RBFOX1: variants seen among roughly 807,000 people sequenced by gnomAD.
RBFOX1 encodes the protein RNA binding fox-1 homolog 1, also known as RNA binding protein fox-1 homolog 1.
Under a neutral mutation model 57.7 loss-of-function variants are expected in RBFOX1, and 8 were observed. The ratio of observed to expected loss-of-function variants is 0.14; its 90% CI spans 0.08 to 0.25. RBFOX1 has a LOEUF of 0.25. Ranked by LOEUF, RBFOX1 falls within the 10% of genes least tolerant of loss-of-function variation. The pLI is 1.00. For missense variants in RBFOX1, 611 were observed against 548.5 expected, an observed-to-expected ratio of 1.11 and a Z score of -1.14; for synonymous variants, 326 against 222.4, an observed-to-expected ratio of 1.47 and a Z score of -4.15.
At position 7,417,261 on chromosome 16, in the gene RBFOX1, T is replaced by A. The variant is rs1431144276; in HGVS notation, c.28-100886T>A. Among the ~76,000 whole-genome samples the A allele has an allele frequency of 6.0e-5, 9 of 151,210 alleles. No individual in the cohort carries two copies. The South Asian group carries it at 1.7e-3, about 28-fold the overall frequency. On this transcript the variant is annotated intron_variant, in intron 4 of 15. Transcript: ENST00000550418. ...GGTGGTGTGTGCCTGTAACCACAGC[T>A]ACTTAGGAAACTGAGACAGGGGAAT...
chr16:7,001,683 C>G (rs890426601), intron 3 of RBFOX1, among the ~76,000 whole-genome samples: 1 of 152,090 alleles, frequency 6.6e-6, no homozygotes, highest in Admixed American at 6.5e-5. Context: ...TCTCAAACTC[C>G]TGACCTGAAG....
intron 2 of RBFOX1, among the ~76,000 whole-genome samples, chr16:6,576,025 T>TC (rs1185096512): frequency 6.6e-6 from 1 of 151,970 alleles, no homozygotes; most frequent in Non-Finnish European, 1.5e-5. Context: ...CAGGAGCACC[T>TC]CCCCCCATCA....
chr16:6,022,456 G>C (rs774776315), intron 1 of RBFOX1, among the ~76,000 whole-genome samples: 1 of 152,076 alleles, frequency 6.6e-6, no homozygotes. Flanking sequence ...TGAGGTGGGC[G>C]TATTGCTTGA....
At chr16:5,292,560 A>T (rs976789219) in intron 1 of RBFOX1, among the ~76,000 whole-genome samples, 2 of 152,162 alleles carry the variant, frequency 1.3e-5, no homozygotes, top group African/African-American at 4.8e-5. Context: ...ATGCACCGTC[A>T]CCATCACTCC....
chr16:5,725,480 C>G (rs2052111567), intron 3 of RBFOX1, among the ~76,000 whole-genome samples: 1 of 151,752 alleles, frequency 6.6e-6, no homozygotes, highest in Non-Finnish European at 1.5e-5. Context: ...CCAGTCTTGT[C>G]TCAAACTTAA....
chr16:7,273,389 C>G (rs1032184356), intron 4 of RBFOX1, among the ~76,000 whole-genome samples: 7 of 152,024 alleles, frequency 4.6e-5, no homozygotes, highest in Non-Finnish European at 8.8e-5. Flanking sequence ...GACTGATATT[C>G]TGGATAATGG....
intron 4 of RBFOX1, among the ~76,000 whole-genome samples, chr16:7,280,483 C>A (rs2095519845): frequency 6.6e-6 from 1 of 152,180 alleles, no homozygotes. Flanking sequence ...AAGAGGGAGG[C>A]CCATGTGCCT....
intron 1 of RBFOX1, among the ~76,000 whole-genome samples, chr16:6,048,456 TG>T (rs1283851626): frequency 6.6e-6 from 1 of 152,242 alleles, no homozygotes; most frequent in Admixed American, 6.5e-5. Context: ...CATTATTTAA[TG>T]TTCCCGGTAA....
intron 4 of RBFOX1, among the ~76,000 whole-genome samples, chr16:7,099,968 T>TC (rs914549913): frequency 1.3e-4 from 20 of 152,076 alleles, no homozygotes; most frequent in African/African-American, 4.6e-4. Context: ...TGAGGCATGT[T>TC]CACCCCTCAG....
intron 3 of RBFOX1, among the ~76,000 whole-genome samples, chr16:7,009,360 C>G (rs925185411): frequency 6.6e-6 from 1 of 150,450 alleles, no homozygotes; most frequent in Admixed American, 6.7e-5. Context: ...CAAGCAGTCT[C>G]TTGGAATTAG....
At chr16:5,669,554 G>A (rs1596672659) in intron 3 of RBFOX1, among the ~76,000 whole-genome samples, 1 of 151,452 alleles carries the variant, frequency 6.6e-6, no homozygotes, top group East Asian at 2.0e-4. Flanking sequence ...CAAGTAGCCG[G>A]GATTGCAGGC....
At chr16:6,649,027 C>G (rs2098555600) in intron 2 of RBFOX1, among the ~76,000 whole-genome samples, 2 of 152,104 alleles carry the variant, frequency 1.3e-5, no homozygotes, top group South Asian at 4.1e-4. Flanking sequence ...ACTGTAGTCA[C>G]CATGTTGTAT....
intron 4 of RBFOX1, among the ~76,000 whole-genome samples, chr16:7,139,753 T>C (rs1161129875): frequency 6.6e-6 from 1 of 152,066 alleles, no homozygotes; most frequent in Non-Finnish European, 1.5e-5. Context: ...AATACATTGA[T>C]TGGATTCTTT....
chr16:6,260,342 C>A (rs906010862), intron 1 of RBFOX1, among the ~76,000 whole-genome samples: 1 of 152,160 alleles, frequency 6.6e-6, no homozygotes, highest in African/African-American at 2.4e-5. Flanking sequence ...AGAGAAGTTT[C>A]ATGACCCAGT....
intron 4 of RBFOX1, among the ~76,000 whole-genome samples, chr16:7,155,762 C>CACACACAG (rs1417873359): frequency 4.1e-5 from 5 of 123,024 alleles, no homozygotes; most frequent in Middle Eastern, 4.5e-3. Context: ...CACACACACA[C>CACACACAG]ACATATATAT....
At chr16:7,425,762 C>T (rs1302539067) in intron 4 of RBFOX1, among the ~76,000 whole-genome samples, 1 of 152,198 alleles carries the variant, frequency 6.6e-6, no homozygotes, top group Non-Finnish European at 1.5e-5. Flanking sequence ...CAAATCCTCC[C>T]TTGAACTGGG....
chr16:5,343,366 G>C (rs1157963051), intron 1 of RBFOX1, among the ~76,000 whole-genome samples: 1 of 144,938 alleles, frequency 6.9e-6, no homozygotes, highest in Admixed American at 7.2e-5. Context: ...CCAGGCTGGA[G>C]TACAGTGGCG....
At chr16:7,650,936 G>C (rs1056214179) in intron 11 of RBFOX1, among the ~76,000 whole-genome samples, 2 of 151,994 alleles carry the variant, frequency 1.3e-5, no homozygotes, top group Non-Finnish European at 1.5e-5. Context: ...GGATTTACTC[G>C]TGTTCCCCAT....
At chr16:6,354,140 A>G (rs548004927) in intron 2 of RBFOX1, among the ~76,000 whole-genome samples, 1 of 152,020 alleles carries the variant, frequency 6.6e-6, no homozygotes, top group South Asian at 2.1e-4. Flanking sequence ...GGATCGCTTG[A>G]ACTCAGGAGG....
Sources: gnomAD v4.1 joint callset for allele counts (sites outside exome capture counted in the v4.1 genomes callset) on GRCh38, gnomAD v4.1.1 for gene constraint, MANE v1.5 for transcripts, NCBI Gene and HGNC (gene_info 2026-07-23, HGNC 2026-07-21) for gene names.